Variants in TMEM45B observed in about 807,000 individuals in gnomAD.
TMEM45B encodes the protein transmembrane protein 45B.
In TMEM45B, 29 loss-of-function variants were observed where a neutral mutation model predicts 27.3. The ratio of observed to expected loss-of-function variants is 1.06; its 90% CI spans 0.79 to 1.45. The LOEUF is 1.45. Ranked by LOEUF, TMEM45B falls within the 40% of genes most tolerant of loss-of-function variation. The pLI is 0.00. For synonymous variants in TMEM45B, 143 were observed against 134.7 expected (o/e 1.06, Z -0.43); for missense variants, 348 against 343.9 (o/e 1.01, Z -0.09).
At chr11:129,837,251 AAGG>A (rs1947631603) in intron 1 of TMEM45B, among the ~76,000 whole-genome samples, 1 of 151,272 alleles carries the variant, frequency 6.6e-6, no homozygotes, top group South Asian at 2.1e-4. Context: ...AGGGCTGGGG[AAGG>A]AGAAGACTGG....
chr11:129,852,691 T>A (rs751044380), intron 2 of TMEM45B, 31 bp downstream of exon 2: 2 of 1,574,474 alleles, frequency 1.3e-6, no homozygotes, highest in East Asian at 4.6e-5. Context: ...GTCTAGGGAA[T>A]CTCCTCATCA....
rs745932772 is a variant in TMEM45B, at chr11:129,858,645, CT to C, written c.790del (p.Tyr264ThrfsTer6). 15 of 1,576,490 alleles carry C rather than the reference CT, an allele frequency of 9.5e-6. No individual in the cohort carries two copies. The highest frequency in any genetic ancestry group is 1.2e-5 in the Non-Finnish European group (14 of 1,159,612). ...ATTCAGAAGCTGAATTCAGATGACA[CT>C]TACCAGACCGCCCTCTTGAGTGGCT... ...IGIQKLNSDDTYQTALLSGSD... is the reference protein window; with the variant it reads ...IGIQKLNSDDXYQTALLSGSD... On this transcript the variant is annotated frameshift_variant, in exon 6 of 6. Coordinates refer to ENST00000281441, the MANE Select transcript of TMEM45B (RefSeq NM_138788.5). LOFTEE classifies it high-confidence loss of function.
chr11:129,857,503 A>T, intron 5 of TMEM45B, 45 bp downstream of exon 5: 1 of 1,607,700 alleles, frequency 6.2e-7, no homozygotes, highest in Non-Finnish European at 8.5e-7. Context: ...AACTCTAAGC[A>T]GGACTGATGT....
intron 1 of TMEM45B, among the ~76,000 whole-genome samples, chr11:129,822,813 A>G (rs1204384386): frequency 6.6e-6 from 1 of 151,604 alleles, no homozygotes; most frequent in Non-Finnish European, 1.5e-5. Flanking sequence ...CATTTGCAAA[A>G]TATGGATTAT....
intron 1 of TMEM45B, among the ~76,000 whole-genome samples, chr11:129,823,902 AG>A (rs1273487422): frequency 6.6e-6 from 1 of 151,826 alleles, no homozygotes; most frequent in Non-Finnish European, 1.5e-5. Context: ...CCTTCCTTCC[AG>A]TGTCTTTGAT....
At chr11:129,834,592 C>T (rs1341955767) in intron 1 of TMEM45B, among the ~76,000 whole-genome samples, 1 of 151,992 alleles carries the variant, frequency 6.6e-6, no homozygotes, top group Non-Finnish European at 1.5e-5. Context: ...ATGTGGATCA[C>T]CTGAGGTCAG....
intron 5 of TMEM45B, 147 bp downstream of exon 5, chr11:129,857,605 C>A (rs1002589332): frequency 2.3e-6 from 2 of 858,440 alleles, no homozygotes; most frequent in African/African-American, 1.7e-5. Context: ...CCCTTATTTG[C>A]AAACAAGGGG....
intron 1 of TMEM45B, among the ~76,000 whole-genome samples, chr11:129,821,413 A>G (rs1947418372): frequency 6.6e-6 from 1 of 152,170 alleles, no homozygotes; most frequent in Admixed American, 6.5e-5. Context: ...TTATTTTCTC[A>G]TTCTAAATAC....
chr11:129,817,431 G>A (rs58941780), intron 1 of TMEM45B, among the ~76,000 whole-genome samples: 5,040 of 152,278 alleles, frequency 0.033, 275 homozygotes, highest in African/African-American at 0.11. Context: ...ATATGGAACT[G>A]ATATGAAGGT....
Position 129,852,541 on chromosome 11 carries a change from G to A in TMEM45B, c.59G>A (p.Cys20Tyr). Residue 20 changes from cysteine to tyrosine, a missense_variant, in exon 2 of 6, where the codon TGT becomes TAT. Coordinates refer to ENST00000281441, the MANE Select transcript of TMEM45B (RefSeq NM_138788.5). ...AGTTTCTTCCTGATCATTGGGCTGTGTTGGTCAGTGAAGTACCCGCTGAAG... is the reference window on the plus strand; with the variant it reads ...AGTTTCTTCCTGATCATTGGGCTGTATTGGTCAGTGAAGTACCCGCTGAAG... Reference protein sequence around the residue: ...PGSFFLIIGLCWSVKYPLKYF... With the variant: ...PGSFFLIIGLYWSVKYPLKYF... The A allele has an allele frequency of 2.5e-6, 4 of 1,613,680 alleles. No homozygotes were observed. The highest frequency in any genetic ancestry group is 3.4e-6 in the Non-Finnish European group (4 of 1,179,652).
chr11:129,841,956 G>A lies in TMEM45B; in HGVS notation c.-8-10519G>A, dbSNP rs111249799. ...AAAGAAAATATGATTTAAATGACTC[G>A]ACAAATAGGGAATCTAAATAGAGAA... On this transcript the variant is annotated intron_variant, in intron 1 of 5. Coordinates refer to ENST00000281441, the MANE Select transcript of TMEM45B (RefSeq NM_138788.5). 2.7e-3 allele frequency among the ~76,000 whole-genome samples: 412 copies of A among 152,234 alleles called. 1 individual carries two copies. Among genetic ancestry groups the A allele is most frequent in the African/African-American group, 9.5e-3 (395 of 41,528 alleles).
intron 1 of TMEM45B, among the ~76,000 whole-genome samples, chr11:129,830,752 A>G (rs988573430): frequency 1.3e-5 from 2 of 152,202 alleles, no homozygotes; most frequent in African/African-American, 4.8e-5. Flanking sequence ...ACAACAAAAT[A>G]CCACTTCATA....
At chr11:129,838,324 C>T (rs1263075786) in intron 1 of TMEM45B, among the ~76,000 whole-genome samples, 1 of 152,078 alleles carries the variant, frequency 6.6e-6, no homozygotes, top group Non-Finnish European at 1.5e-5. Context: ...GGTCTCCACC[C>T]AGAGAAGCCA....
intron 1 of TMEM45B, among the ~76,000 whole-genome samples, chr11:129,816,993 G>A (rs910534300): frequency 1.3e-5 from 2 of 150,754 alleles, no homozygotes; most frequent in Non-Finnish European, 3.0e-5. Context: ...TGATCCACCC[G>A]CCTCAGCCTC....
At chr11:129,857,921 T>G (rs1947953592) in intron 5 of TMEM45B, among the ~76,000 whole-genome samples, 2 of 152,170 alleles carry the variant, frequency 1.3e-5, no homozygotes, top group South Asian at 4.1e-4. Context: ...GGTATACAGA[T>G]AACAGCTATG....
chr11:129,822,055 A>C (rs538290081), intron 1 of TMEM45B, among the ~76,000 whole-genome samples: 2 of 152,304 alleles, frequency 1.3e-5, no homozygotes, highest in South Asian at 4.1e-4. Flanking sequence ...TTGTAATTTT[A>C]TCTTTTTTAT....
chr11:129,832,510 C>T (rs1161016220), intron 1 of TMEM45B, among the ~76,000 whole-genome samples: 1 of 151,398 alleles, frequency 6.6e-6, no homozygotes, highest in Admixed American at 6.6e-5. Context: ...TCCACAGAGA[C>T]GGAAAGCATA....
chr11:129,832,015 G>T (rs1292123833), intron 1 of TMEM45B, among the ~76,000 whole-genome samples: 1 of 132,958 alleles, frequency 7.5e-6, no homozygotes, highest in Non-Finnish European at 1.5e-5. Flanking sequence ...GCAGTGAGCC[G>T]AGACCACGCC....
At chr11:129,848,099 A>G (rs1298695955) in intron 1 of TMEM45B, among the ~76,000 whole-genome samples, 1 of 151,750 alleles carries the variant, frequency 6.6e-6, no homozygotes, top group Non-Finnish European at 1.5e-5. Flanking sequence ...GACACTCCTC[A>G]CTTCCCAGAC....
Sources: allele counts gnomAD v4.1 joint callset (sites outside exome capture counted in the v4.1 genomes callset), GRCh38; gene constraint gnomAD v4.1.1; transcripts MANE v1.5; gene names NCBI Gene and HGNC (gene_info 2026-07-23, HGNC 2026-07-21).